ARHGAP42: variants seen among roughly 807,000 people sequenced by gnomAD.
ARHGAP42 encodes the protein Rho GTPase activating protein 42.
ARHGAP42 carries 63 observed loss-of-function variants against 125.0 expected under a neutral mutation model. The observed-to-expected ratio is 0.50, with a 90% CI of 0.41 to 0.62. The LOEUF is 0.62. ARHGAP42 is among the 20% of genes least tolerant of loss of function. The probability of loss-of-function intolerance (pLI) is 0.00; values close to 1 mark genes in which losing one functional copy is unlikely to be tolerated. For missense variants in ARHGAP42, 766 were observed against 1,024.2 expected, an observed-to-expected ratio of 0.75 and a Z score of 3.44; for synonymous variants, 339 against 351.0, an observed-to-expected ratio of 0.97 and a Z score of 0.38.
rs187734541 is a variant in ARHGAP42, at chr11:100,827,403, T to A, written c.313-32151T>A. On this transcript the variant is annotated intron_variant, in intron 3 of 23. Transcript: ENST00000298815. ...GTTGTGGGGTCATGGTAGTCTGGTA[T>A]GCAACTCATACTTTGTGAAGCTGAT... Among the ~76,000 whole-genome samples, 3 of 152,320 alleles carry A rather than the reference T, an allele frequency of 2.0e-5. No individual in the cohort carries two copies. In the East Asian group the frequency reaches 5.8e-4, roughly 29 times the overall value.
rs73573336 is a variant in ARHGAP42 at position 100,704,125 on chromosome 11, T to C, written c.154+16293T>C. Among the ~76,000 whole-genome samples the C allele has an allele frequency of 8.3e-3, 1,264 of 152,298 alleles. 10 individuals carry two copies. The highest frequency in any genetic ancestry group is 0.029 in the African/African-American group (1,208 of 41,552). ...AGATTCAGCTGGCTCAGTGAGAACA[T>C]TGAATTGAGCCTTTTAGCTAGTTGA... On this transcript the variant is annotated intron_variant, in intron 1 of 23. Transcript: ENST00000298815.
At chr11:100,856,524 T>C (rs1007946306) in intron 3 of ARHGAP42, among the ~76,000 whole-genome samples, 5 of 152,016 alleles carry the variant, frequency 3.3e-5, no homozygotes, top group Non-Finnish European at 7.4e-5. Flanking sequence ...TCCATTTTGA[T>C]CTCTTGAATT....
chr11:100,898,778 T>A (rs570829787), intron 4 of ARHGAP42, among the ~76,000 whole-genome samples: 1 of 152,284 alleles, frequency 6.6e-6, no homozygotes, highest in East Asian at 1.9e-4. Context: ...TTTGTTGATC[T>A]TTTCAAAAAA....
intron 4 of ARHGAP42, among the ~76,000 whole-genome samples, chr11:100,905,134 C>T (rs1000155970): frequency 6.6e-6 from 1 of 152,124 alleles, no homozygotes; most frequent in Non-Finnish European, 1.5e-5. Flanking sequence ...TCTTGCTATC[C>T]CATCTCCATT....
chr11:100,832,023 G>C (rs1591219016), intron 3 of ARHGAP42, among the ~76,000 whole-genome samples: 1 of 152,130 alleles, frequency 6.6e-6, no homozygotes. Context: ...GAATCCACTG[G>C]GTCTGTTTCC....
chr11:100,922,998 C>A (rs545951758), intron 6 of ARHGAP42, among the ~76,000 whole-genome samples: 9 of 152,318 alleles, frequency 5.9e-5, no homozygotes, highest in African/African-American at 1.4e-4. Context: ...ATCCTTAAAT[C>A]CCCTAGCATT....
chr11:100,826,383 A>C (rs534788323), intron 3 of ARHGAP42, among the ~76,000 whole-genome samples: 2 of 152,154 alleles, frequency 1.3e-5, no homozygotes, highest in Non-Finnish European at 2.9e-5. Flanking sequence ...AGAGGTTTAT[A>C]CTATGGATAT....
At chr11:100,915,352 G>C (rs1867035104) in intron 5 of ARHGAP42, among the ~76,000 whole-genome samples, 1 of 152,120 alleles carries the variant, frequency 6.6e-6, no homozygotes, top group Admixed American at 6.6e-5. Context: ...GTTATGTAGA[G>C]AGACACTCAT....
Position 100,960,887 on chromosome 11 carries a change from G to A in ARHGAP42, c.1226-28G>A, listed in dbSNP as rs374387115. 8.7e-5 allele frequency: 125 copies of A among 1,430,782 alleles called. 2 individuals carry two copies. The Middle Eastern group carries it at 1.8e-3, about 20-fold the overall frequency. The allele number at this position is 1,430,782 out of a possible 1,614,324, so 88.6% of individuals were successfully genotyped here. A position where few individuals can be genotyped will look rare whatever the true frequency, so the allele number is the denominator to read the frequency against. ...TACTTGCCAAGCTGTATCTCAAGCCGTTTTCTTGTGATTTTCCTTCCTATT... is the reference window on the plus strand; with the variant it reads ...TACTTGCCAAGCTGTATCTCAAGCCATTTTCTTGTGATTTTCCTTCCTATT... On this transcript the variant is annotated intron_variant, in intron 13 of 23. Coordinates refer to ENST00000298815, the MANE Select transcript of ARHGAP42 (RefSeq NM_152432.4).
chr11:100,932,131 A>G (rs1867596494), intron 6 of ARHGAP42, among the ~76,000 whole-genome samples: 1 of 152,162 alleles, frequency 6.6e-6, no homozygotes, highest in African/African-American at 2.4e-5. Flanking sequence ...TTCAGATAGA[A>G]CCAGTGTTTA....
chr11:100,882,528 C>G (rs1474113622), intron 4 of ARHGAP42, among the ~76,000 whole-genome samples: 1 of 150,410 alleles, frequency 6.6e-6, no homozygotes, highest in African/African-American at 2.4e-5. Flanking sequence ...ATTTTCGTAT[C>G]TATATTCTTC....
In ARHGAP42 at chr11:100,959,963, G is replaced by A. The variant is rs370725025; in HGVS notation, c.1225+18G>A. On this transcript the variant is annotated intron_variant, in intron 13 of 23. Transcript: ENST00000298815. ...AACAAGAGGTCAGTGTTGCCTGATT[G>A]GTACAGCATCCCTGTCATGTGTCTC... The A allele has an allele frequency of 2.0e-5, 31 of 1,544,280 alleles. No individual in the cohort carries two copies. The highest frequency in any genetic ancestry group is 2.4e-5 in the East Asian group (1 of 40,850).
chr11:100,801,418 G>A (rs959285964), intron 3 of ARHGAP42, among the ~76,000 whole-genome samples: 3 of 151,904 alleles, frequency 2.0e-5, no homozygotes, highest in East Asian at 1.9e-4. Flanking sequence ...CAAAAATATC[G>A]ACTGGATGCA....
chr11:100,840,278 C>T (rs1027380859), intron 3 of ARHGAP42, among the ~76,000 whole-genome samples: 3 of 152,056 alleles, frequency 2.0e-5, no homozygotes, highest in Non-Finnish European at 4.4e-5. Context: ...AAGGTCGCTG[C>T]GACACTTTTG....
At chr11:100,941,972 T>C in intron 9 of ARHGAP42, 88 bp downstream of exon 9, 1 of 990,500 alleles carries the variant, frequency 1.0e-6, no homozygotes. Context: ...TTTGTTTCTC[T>C]AGTTAACATG....
At chr11:100,837,666 C>CTGTTTTTGTTTTTTTTTTTTTTTT (rs1555008871) in intron 3 of ARHGAP42, among the ~76,000 whole-genome samples, 1 of 61,042 alleles carries the variant, frequency 1.6e-5, no homozygotes, top group Non-Finnish European at 3.0e-5. Context: ...AGGTGTCATC[C>CTGTTTTTGTTTTTTTTTTTTTTTT]TTTTTTTTTT....
At position 100,724,463 on chromosome 11, in the gene ARHGAP42, G is replaced by C. The variant is rs183040284; in HGVS notation, c.154+36631G>C. Among the ~76,000 whole-genome samples the C allele has an allele frequency of 7.3e-3, 1,108 of 152,016 alleles. 12 individuals carry two copies. The highest frequency in any genetic ancestry group is 0.025 in the African/African-American group (1,040 of 41,496). On this transcript the variant is annotated intron_variant, in intron 1 of 23. Transcript: ENST00000298815. ...GTATGCACCTAGTGCTTTCTTTTTC[G>C]GGAGGTTTTTAGTTATTATTATTAT...
intron 10 of ARHGAP42, among the ~76,000 whole-genome samples, 194 bp downstream of exon 10, chr11:100,944,062 A>T (rs550626481): frequency 6.6e-6 from 1 of 152,232 alleles, no homozygotes; most frequent in Admixed American, 6.6e-5. Flanking sequence ...GATGCTAGAA[A>T]ACAGTAGCAT....
Position 100,687,697 on chromosome 11 carries a change from G to T in ARHGAP42, c.19G>T (p.Glu7Ter). 1 of 1,542,772 alleles carries T rather than the reference G, an allele frequency of 6.5e-7. No homozygotes were observed. Among genetic ancestry groups the T allele is most frequent in the Non-Finnish European group, 8.7e-7 (1 of 1,143,080 alleles). MGLPTLEFSDSYLDSPD... is the reference protein window; with the variant it reads MGLPTL ...CTGTGCCATGGGGCTGCCCACTCTG[G>T]AGTTCAGCGATTCCTACTTGGACAG... Residue 7 changes from glutamate to a stop codon, truncating the protein, a stop_gained, in exon 1 of 24, where the codon GAG becomes TAG. Coordinates refer to ENST00000298815, the MANE Select transcript of ARHGAP42 (RefSeq NM_152432.4). LOFTEE classifies it high-confidence loss of function.
Sources: gnomAD v4.1 joint callset for allele counts (sites outside exome capture counted in the v4.1 genomes callset) on GRCh38, gnomAD v4.1.1 for gene constraint, MANE v1.5 for transcripts, NCBI Gene and HGNC (gene_info 2026-07-23, HGNC 2026-07-21) for gene names.